Variants in AKT2 observed in about 807,000 individuals in gnomAD.
The protein encoded by AKT2 is RAC-beta serine/threonine-protein kinase.
AKT2 carries 16 observed loss-of-function variants against 58.6 expected under a neutral mutation model. The observed-to-expected ratio is 0.27, with a 90% CI of 0.18 to 0.41. The LOEUF is 0.41. Among genes scored for constraint, AKT2 ranks in the 10% least tolerant of loss-of-function variants. The pLI is 1.00. For synonymous variants in AKT2, 253 were observed against 254.0 expected, an observed-to-expected ratio of 1.00 and a Z score of 0.04; for missense variants, 438 against 661.0, an observed-to-expected ratio of 0.66 and a Z score of 3.70.
intron 1 of AKT2, chr19:40,265,864 C>T (rs546531031): frequency 3.1e-5 from 5 of 162,628 alleles, no homozygotes; most frequent in African/African-American, 1.2e-4. Context: ...CACCAACCTG[C>T]CACCTTCAAC....
intron 1 of AKT2, among the ~76,000 whole-genome samples, chr19:40,268,098 C>T (rs937132509): frequency 2.0e-5 from 3 of 152,078 alleles, no homozygotes; most frequent in South Asian, 4.1e-4. Context: ...GAGAGAAGCC[C>T]GTCCCCTACA....
intron 1 of AKT2, among the ~76,000 whole-genome samples, chr19:40,276,449 T>C (rs1022185284): frequency 7.7e-6 from 1 of 130,180 alleles, no homozygotes; most frequent in Non-Finnish European, 1.6e-5. Context: ...CACTGCAACC[T>C]CTGCTTCCCA....
intron 6 of AKT2, 129 bp downstream of exon 6, chr19:40,241,809 C>G (rs1974424217): frequency 7.1e-7 from 1 of 1,398,856 alleles, no homozygotes; most frequent in African/African-American, 1.4e-5. Flanking sequence ...CCTTTTCTGA[C>G]TAGGGGGAAT....
At chr19:40,270,180 C>G (rs1231440269) in intron 1 of AKT2, among the ~76,000 whole-genome samples, 1 of 152,226 alleles carries the variant, frequency 6.6e-6, no homozygotes, top group East Asian at 1.9e-4. Context: ...CACCCTACCT[C>G]CCCTTACCCT....
In AKT2 at chr19:40,241,987, C is replaced by T. The variant is rs1280863854; in HGVS notation, c.524G>A (p.Gly175Asp). The T allele has an allele frequency of 6.2e-7, 1 of 1,614,224 alleles. No homozygotes were observed. Residue 175 changes from glycine (G) to aspartate (D), a missense_variant, in exon 6 of 14, where the codon GGC becomes GAC. Gly to Asp is a moderately conservative substitution (Grantham distance 94). This residue lies in a region of AKT2 where 244 missense variants were observed against 347.1 expected (regional missense o/e 0.70). Transcript: ENST00000392038. The stretch of plus-strand genomic sequence containing the variant: ...CAGGATCTTCATGGCGTAGTAGCGG[C>T]CAGTGGCCTTCTCCCGCACCAGGAT... ...KVILVREKAT[G>D]RYYAMKILRK...
rs746570307 is a variant in AKT2, at chr19:40,251,058, G to A, written c.287+4100C>T. On this transcript the variant is annotated intron_variant, in intron 4 of 13. Coordinates refer to ENST00000392038, the MANE Select transcript of AKT2 (RefSeq NM_001626.6). ...TCTCCACAAAAAAATTTAAAAATTCGCCAGGCATGGTGGTGCATACCTTTA... is the reference window on the plus strand; with the variant it reads ...TCTCCACAAAAAAATTTAAAAATTCACCAGGCATGGTGGTGCATACCTTTA... Among the ~76,000 whole-genome samples, 12 of 152,026 alleles carry A rather than the reference G, an allele frequency of 7.9e-5. No individual in the cohort carries two copies. The East Asian group carries it at 9.7e-4, about 12-fold the overall frequency.
chr19:40,285,215 G>A lies in AKT2; in HGVS notation c.-119C>T, dbSNP rs954793147. ...GCAGCCGCCCAGCCTCTCCGGCGGG[G>A]CTCTACCCCCGCCCATCGCCACGCT... On this transcript the variant is annotated 5_prime_UTR_variant, in exon 1 of 14. Transcript: ENST00000392038. 221 of 395,222 alleles carry A rather than the reference G, an allele frequency of 5.6e-4. 1 individual carries two copies. Among genetic ancestry groups the A allele is most frequent in the Non-Finnish European group, 7.9e-4 (176 of 223,790 alleles). The allele number at this position is 395,222 out of a possible 1,614,324, so 24.5% of individuals were successfully genotyped here.
chr19:40,268,402 C>T (rs1039980849), intron 1 of AKT2, among the ~76,000 whole-genome samples: 2 of 152,226 alleles, frequency 1.3e-5, no homozygotes, highest in African/African-American at 4.8e-5. Context: ...GAAGCAAAGG[C>T]AGCCAGGTAT....
intron 2 of AKT2, among the ~76,000 whole-genome samples, chr19:40,264,581 A>G (rs1976202093): frequency 6.6e-6 from 1 of 152,030 alleles, no homozygotes; most frequent in African/African-American, 2.4e-5. Context: ...AGAAAACACC[A>G]GGCACATCCC....
intron 1 of AKT2, chr19:40,279,678 C>T (rs906829118): frequency 1.3e-5 from 2 of 151,170 alleles, no homozygotes; most frequent in African/African-American, 4.9e-5. Context: ...AGCCAGAGCG[C>T]CTGCTCCCGC....
intron 4 of AKT2, among the ~76,000 whole-genome samples, chr19:40,247,052 A>T (rs776276233): frequency 5.3e-5 from 8 of 152,250 alleles, no homozygotes; most frequent in African/African-American, 7.2e-5. Flanking sequence ...GCAGGAGGTT[A>T]TCTGGGAGTA....
chr19:40,259,640 G>C (rs1388867737), intron 2 of AKT2, among the ~76,000 whole-genome samples: 2 of 152,144 alleles, frequency 1.3e-5, no homozygotes, highest in East Asian at 1.9e-4. Flanking sequence ...AAAGTAAAAA[G>C]ATAACCTACA....
Position 40,277,174 on chromosome 19 carries a change from C to T in AKT2, c.-85+8007G>A, listed in dbSNP as rs372194455. ...CATAAAGGACTCTGACATCAGGGGC[C>T]GTCCTGAGCCTGTCAGAGCCATGCA... On this transcript the variant is annotated intron_variant, in intron 1 of 13. Coordinates refer to ENST00000392038, the MANE Select transcript of AKT2 (RefSeq NM_001626.6). 2.8e-4 allele frequency among the ~76,000 whole-genome samples: 43 copies of T among 152,254 alleles called. No homozygotes were observed. In the South Asian group the frequency reaches 8.3e-3, roughly 29 times the overall value.
intron 2 of AKT2, among the ~76,000 whole-genome samples, chr19:40,263,758 G>A (rs1976134973): frequency 6.6e-6 from 1 of 152,200 alleles, no homozygotes; most frequent in Non-Finnish European, 1.5e-5. Flanking sequence ...CTGGTACAGT[G>A]CAGGATGCGT....
chr19:40,235,287 G>A lies in AKT2; in HGVS notation c.1239C>T (p.Asn413=). ...VMEHRFFLSI[N]WQDVVQKKLL... is the part of the protein sequence containing the mutation. Reference sequence around the variant, plus strand: ...CCTTCTTCTGGACCACGTCCTGCCAGTTGATGCTGAGGAAGAACCTGTGCT... The same window carrying A: ...CCTTCTTCTGGACCACGTCCTGCCAATTGATGCTGAGGAAGAACCTGTGCT... Residue 413 remains asparagine (N), a synonymous_variant, in exon 12 of 14, where the codon AAC becomes AAT. Transcript: ENST00000392038. The surrounding 1 kb of genome is among the most constrained non-coding windows in gnomAD (Gnocchi z 6.3). The A allele has an allele frequency of 6.2e-7, 1 of 1,614,092 alleles. No individual in the cohort carries two copies. Among genetic ancestry groups the A allele is most frequent in the Non-Finnish European group, 8.5e-7 (1 of 1,180,024 alleles).
chr19:40,282,672 G>T (rs1256669876), intron 1 of AKT2: 1 of 373,824 alleles, frequency 2.7e-6, no homozygotes, highest in Non-Finnish European at 5.6e-6. Flanking sequence ...GGAATGCATG[G>T]CACTAGGGGC....
At chr19:40,250,139 G>A (rs909954142) in intron 4 of AKT2, among the ~76,000 whole-genome samples, 2 of 152,206 alleles carry the variant, frequency 1.3e-5, no homozygotes, top group African/African-American at 2.4e-5. Flanking sequence ...GACACAGCAC[G>A]GACCTTGGAG....
intron 3 of AKT2, among the ~76,000 whole-genome samples, chr19:40,255,889 G>A (rs1285706173): frequency 1.3e-5 from 2 of 152,204 alleles, no homozygotes; most frequent in African/African-American, 4.8e-5. Context: ...TGTAGAGGGT[G>A]AGGCTGGAGG....
Position 40,233,485 on chromosome 19 carries a change from C to T in AKT2, c.*387G>A. 1.8e-6 allele frequency: 1 copy of T among 559,596 alleles called. No homozygotes were observed. The highest frequency in any genetic ancestry group is 3.4e-6 in the Non-Finnish European group (1 of 290,472). 34.7% of individuals were successfully genotyped at this position (559,596 alleles called of 1,614,324 possible). On this transcript the variant is annotated 3_prime_UTR_variant, in exon 14 of 14. Transcript: ENST00000392038. The surrounding 1 kb of genome is among the most constrained non-coding windows in gnomAD (Gnocchi z 4.3). ...GGTGTCGCGTCCCACCAGAAGGCAG[C>T]CTTCGTCCAGATGCAGCAGCGCGGA...
Sources: allele counts gnomAD v4.1 joint callset (sites outside exome capture counted in the v4.1 genomes callset), GRCh38; gene constraint gnomAD v4.1.1; regional missense constraint gnomAD v4.1.1; non-coding constraint Gnocchi (gnomAD v3.1); transcripts MANE v1.5; gene names NCBI Gene and HGNC (gene_info 2026-07-23, HGNC 2026-07-21).